Variants in TRPC3 observed in about 807,000 individuals in gnomAD.
TRPC3 encodes the protein transient receptor potential cation channel subfamily C member 3, also known as short transient receptor potential channel 3.
Under a neutral mutation model 90.9 loss-of-function variants are expected in TRPC3, and 54 were observed. The ratio of observed to expected loss-of-function variants is 0.59; its 90% CI spans 0.48 to 0.75. The LOEUF (loss-of-function observed/expected upper bound fraction) is 0.75, where lower values mean the gene tolerates loss of function less well. Among genes scored for constraint, TRPC3 ranks in the 30% least tolerant of loss-of-function variants. TRPC3 has a pLI of 0.00. For missense variants in TRPC3, 918 were observed against 1,194.5 expected, an observed-to-expected ratio of 0.77 and a Z score of 3.41; for synonymous variants, 424 against 450.9, an observed-to-expected ratio of 0.94 and a Z score of 0.75.
At chr4:121,949,116 C>T (rs1730595796) in intron 1 of TRPC3, among the ~76,000 whole-genome samples, 1 of 152,120 alleles carries the variant, frequency 6.6e-6, no homozygotes, top group Admixed American at 6.6e-5. Flanking sequence ...ATCACATATA[C>T]TGAATAACTG....
At chr4:121,907,623 C>T (rs377005731) in intron 6 of TRPC3, 56 bp from the exon 7 acceptor site, 70 of 1,543,452 alleles carry the variant, frequency 4.5e-5, no homozygotes, top group South Asian at 4.2e-4. Context: ...TTGCCAACTA[C>T]GCAAAGCAAA....
In TRPC3 at chr4:121,932,245, C is replaced by T. The variant is rs778949958; in HGVS notation, c.987+26G>A. 6 of 1,602,858 alleles carry T rather than the reference C, an allele frequency of 3.7e-6. No individual in the cohort carries two copies. In the Admixed American group the frequency reaches 8.4e-5, roughly 22 times the overall value. ...GGGGAAGTTGGGTGAGCACACAGAG[C>T]AGCCGGGGTAGAGCGCAAAGCTTAC... On this transcript the variant is annotated intron_variant, in intron 2 of 11. Coordinates refer to ENST00000379645, the MANE Select transcript of TRPC3 (RefSeq NM_001130698.2). This position sits in a 1 kb window ranked among gnomAD's most constrained non-coding sequence, Gnocchi z 7.7.
At chr4:121,937,025 C>T (rs765532816) in intron 1 of TRPC3, among the ~76,000 whole-genome samples, 16 of 152,118 alleles carry the variant, frequency 1.1e-4, no homozygotes, top group Non-Finnish European at 2.1e-4. Flanking sequence ...CCATAGGGAA[C>T]CCTCTGCTCT....
intron 10 of TRPC3, among the ~76,000 whole-genome samples, chr4:121,886,114 T>C (rs1456015224): frequency 1.3e-5 from 2 of 152,142 alleles, no homozygotes; most frequent in African/African-American, 2.4e-5. Flanking sequence ...AGAAATAAGA[T>C]GTGGGTGGTT....
chr4:121,938,082 C>T (rs983548809), intron 1 of TRPC3, among the ~76,000 whole-genome samples: 9 of 151,570 alleles, frequency 5.9e-5, no homozygotes, highest in Non-Finnish European at 8.8e-5. Context: ...CTACTGTACA[C>T]GTTCATAGAT....
chr4:121,886,930 T>G (rs1728144396), intron 10 of TRPC3, among the ~76,000 whole-genome samples: 1 of 152,100 alleles, frequency 6.6e-6, no homozygotes, highest in South Asian at 2.1e-4. Flanking sequence ...TACTAGTGGG[T>G]TTTTAAAGGA....
rs556590881 is a variant in TRPC3 at position 121,874,620 on chromosome 4, C to T, written c.*5116G>A. Among the ~76,000 whole-genome samples the T allele has an allele frequency of 6.6e-6, 1 of 152,224 alleles. No individual in the cohort carries two copies. Among genetic ancestry groups the T allele is most frequent in the Non-Finnish European group, 1.5e-5 (1 of 68,042 alleles). The stretch of plus-strand genomic sequence containing the variant: ...GATCGTCATCTTCTCCGTGTCTTCA[C>T]GTGGTCCTCCCTCTATGTCTGTCTG... On this transcript the variant is annotated 3_prime_UTR_variant, in exon 12 of 12. Transcript: ENST00000379645.
At chr4:121,913,065 T>C (rs1729166933) in intron 4 of TRPC3, among the ~76,000 whole-genome samples, 1 of 152,234 alleles carries the variant, frequency 6.6e-6, no homozygotes, top group Admixed American at 6.5e-5. Context: ...AGAACCTTAA[T>C]GGGATGTCAA....
intron 3 of TRPC3, among the ~76,000 whole-genome samples, chr4:121,918,166 G>A (rs1358210320): frequency 6.6e-6 from 1 of 152,170 alleles, no homozygotes; most frequent in East Asian, 1.9e-4. Flanking sequence ...TCTGCCATGT[G>A]AGGACGTAGT....
chr4:121,935,332 G>A (rs1730092791), intron 1 of TRPC3, among the ~76,000 whole-genome samples: 1 of 151,998 alleles, frequency 6.6e-6, no homozygotes, highest in Admixed American at 6.6e-5. Context: ...GGTATGATGT[G>A]TAGGGGAGAG....
intron 1 of TRPC3, among the ~76,000 whole-genome samples, chr4:121,947,183 CAAAAAA>C (rs11457162): frequency 2.2e-5 from 2 of 92,032 alleles, no homozygotes; most frequent in Non-Finnish European, 2.1e-5. Flanking sequence ...GACTCTGTCT[CAAAAAA>C]AAAAAAAAAA....
Position 121,878,827 on chromosome 4 carries a change from A to G in TRPC3, c.*909T>C, listed in dbSNP as rs1727842694. On this transcript the variant is annotated 3_prime_UTR_variant, in exon 12 of 12. Transcript: ENST00000379645. ...CTGCTCTTTCCTATTTCTTCCCATG[A>G]GCAGACCCTCCAAAACTCAGCAGGG... is the stretch of plus-strand genomic sequence containing the variant. 6.6e-6 allele frequency among the ~76,000 whole-genome samples: 1 copy of G among 152,136 alleles called. No individual in the cohort carries two copies. The highest frequency in any genetic ancestry group is 6.6e-5 in the Admixed American group (1 of 15,262).
At chr4:121,942,518 A>G (rs886149001) in intron 1 of TRPC3, among the ~76,000 whole-genome samples, 2 of 152,210 alleles carry the variant, frequency 1.3e-5, no homozygotes, top group Non-Finnish European at 2.9e-5. Flanking sequence ...GCAGTGAGCC[A>G]AGATTGCGCT....
chr4:121,942,850 T>A (rs772504087), intron 1 of TRPC3, among the ~76,000 whole-genome samples: 4 of 152,218 alleles, frequency 2.6e-5, no homozygotes, highest in African/African-American at 4.8e-5. Context: ...CCTTAGCCAT[T>A]GCCTGCATGA....
chr4:121,898,261 A>T (rs952007615), intron 10 of TRPC3, among the ~76,000 whole-genome samples: 1 of 152,168 alleles, frequency 6.6e-6, no homozygotes, highest in Non-Finnish European at 1.5e-5. Context: ...GGAGTCCCCA[A>T]CCCGCAGATG....
chr4:121,878,671 G>A lies in TRPC3; in HGVS notation c.*1065C>T, dbSNP rs1489525000. ...TCACAATATATTTTATATAGAAAGT[G>A]GAACTGGAATCCTTTGATAAGAAAC... is the stretch of plus-strand genomic sequence containing the variant. On this transcript the variant is annotated 3_prime_UTR_variant, in exon 12 of 12. Transcript: ENST00000379645. Among the ~76,000 whole-genome samples, 3 of 152,294 alleles carry A rather than the reference G, an allele frequency of 2.0e-5. No homozygotes were observed. Among genetic ancestry groups the A allele is most frequent in the East Asian group, 1.9e-4 (1 of 5,190 alleles).
intron 1 of TRPC3, among the ~76,000 whole-genome samples, chr4:121,940,722 AAGCTTTTG>A (rs1445336701): frequency 9.2e-5 from 14 of 152,136 alleles, no homozygotes; most frequent in African/African-American, 3.4e-4. Flanking sequence ...ACTTCAGCCC[AAGCTTTTG>A]TAATATAGGT....
rs1217994757 is a variant in TRPC3 at position 121,882,426 on chromosome 4, T to A, written c.2551A>T (p.Ile851Leu). ...TACCGCTTTATAAGTCTTTTCATTA[T>A]CTGCTGTTGGGCAAAAGTAAATGAT... is the stretch of plus-strand genomic sequence containing the variant. ...ILNQPTRYQQ[I>L]MKRLIKRYVL... The change falls in exon 11 of 12, where the codon ATA becomes TTA. Residue 851 changes from isoleucine (I) to leucine (L), a missense_variant. Coordinates refer to ENST00000379645, the MANE Select transcript of TRPC3 (RefSeq NM_001130698.2). 1 of 1,609,584 alleles carries A rather than the reference T, an allele frequency of 6.2e-7. No homozygotes were observed.
At chr4:121,881,670 T>C (rs1217833970) in intron 11 of TRPC3, among the ~76,000 whole-genome samples, 2 of 152,170 alleles carry the variant, frequency 1.3e-5, no homozygotes, top group Non-Finnish European at 2.9e-5. Flanking sequence ...TCAGTGTAGA[T>C]AGATTTAGTG....
Sources: gnomAD v4.1 joint callset for allele counts (sites outside exome capture counted in the v4.1 genomes callset) on GRCh38, gnomAD v4.1.1 for gene constraint, Gnocchi (gnomAD v3.1) non-coding constraint, MANE v1.5 for transcripts, NCBI Gene and HGNC (gene_info 2026-07-23, HGNC 2026-07-21) for gene names.